GOLGA4: variants seen among roughly 807,000 people sequenced by gnomAD.
GOLGA4 encodes the protein golgin A4, also known as golgin subfamily A member 4.
Under a neutral mutation model 265.9 loss-of-function variants are expected in GOLGA4, and 169 were observed. The ratio of observed to expected loss-of-function variants is 0.64; its 90% CI spans 0.56 to 0.72. The LOEUF is 0.72. Ranked by LOEUF, GOLGA4 falls within the 30% of genes least tolerant of loss-of-function variation. The probability of loss-of-function intolerance (pLI) is 0.00; values close to 1 mark genes in which losing one functional copy is unlikely to be tolerated. For missense variants in GOLGA4, 2,482 were observed against 2,483.4 expected (o/e 1.00, Z 0.01); for synonymous variants, 923 against 855.8 (o/e 1.08, Z -1.37).
At chr3:37,273,969 G>T (rs148424259) in intron 2 of GOLGA4, among the ~76,000 whole-genome samples, 3 of 151,924 alleles carry the variant, frequency 2.0e-5, no homozygotes, top group Non-Finnish European at 4.4e-5. Context: ...CAGGAGTGGC[G>T]CATGCCTGAA....
chr3:37,295,606 A>G (rs1312782972), intron 6 of GOLGA4, among the ~76,000 whole-genome samples: 1 of 152,238 alleles, frequency 6.6e-6, no homozygotes, highest in African/African-American at 2.4e-5. Context: ...AACCAGCTGT[A>G]TTGGGAGTAA....
intron 10 of GOLGA4, among the ~76,000 whole-genome samples, chr3:37,313,034 C>A (rs191299070): frequency 6.6e-6 from 1 of 152,212 alleles, no homozygotes; most frequent in African/African-American, 2.4e-5. Context: ...GAAACCCTGT[C>A]TCTACTAAAA....
chr3:37,292,696 G>GTT (rs1553610190), intron 5 of GOLGA4, among the ~76,000 whole-genome samples: 2,309 of 151,094 alleles, frequency 0.015, 54 homozygotes, highest in African/African-American at 0.052. Context: ...AAAAAAAAAA[G>GTT]GTTTTAGTAC....
At chr3:37,350,402 T>C (rs1251105876) in intron 21 of GOLGA4, among the ~76,000 whole-genome samples, 1 of 152,164 alleles carries the variant, frequency 6.6e-6, no homozygotes, top group South Asian at 2.1e-4. Flanking sequence ...TGCTTGTGCA[T>C]GCATGTATAT....
intron 2 of GOLGA4, among the ~76,000 whole-genome samples, chr3:37,271,098 G>C (rs1455446910): frequency 1.3e-5 from 2 of 152,098 alleles, no homozygotes; most frequent in Non-Finnish European, 2.9e-5. Context: ...ACAGTAGACA[G>C]AGCTCAGGTG....
chr3:37,328,288 T>A (rs1231133590), intron 14 of GOLGA4, 128 bp from the exon 15 acceptor site: 5 of 829,200 alleles, frequency 6.0e-6, no homozygotes, highest in South Asian at 1.7e-5. Context: ...ACACTCTCTC[T>A]CTCTCTCTCT....
At chr3:37,356,495 C>A (rs183055904) in intron 22 of GOLGA4, among the ~76,000 whole-genome samples, 1 of 152,188 alleles carries the variant, frequency 6.6e-6, no homozygotes, top group Admixed American at 6.5e-5. Flanking sequence ...TCTGCCACTC[C>A]CTGGCATTTA....
In GOLGA4 at chr3:37,303,486, A is replaced by G. The variant is rs74649024; in HGVS notation, c.1234+1154A>G. On this transcript the variant is annotated intron_variant, in intron 10 of 23. Transcript: ENST00000361924. ...AAGCTTAGGACACTTAATGAATAGT[A>G]GTGTGGAATTAGAATAGGAAATCTA... 8.5e-3 allele frequency among the ~76,000 whole-genome samples: 1,293 copies of G among 152,314 alleles called. 23 individuals carry two copies. Among genetic ancestry groups the G allele is most frequent in the African/African-American group, 0.03 (1,231 of 41,562 alleles).
In GOLGA4 at chr3:37,326,623, G is replaced by A. The variant is rs1559437112; in HGVS notation, c.4737G>A (p.Arg1579=). 3.7e-6 allele frequency: 6 copies of A among 1,612,436 alleles called. No homozygotes were observed. Among genetic ancestry groups the A allele is most frequent in the East Asian group, 2.2e-5 (1 of 44,830 alleles). ...AGTTAGGAGAAGAAAAGGACAACAG[G>A]GTTAAAGAAGCTGAAGAAAAAATCT... is the stretch of plus-strand genomic sequence containing the variant. ...FQELGEEKDN[R]VKEAEEKILT... The change falls in exon 14 of 24, where the codon AGG becomes AGA. Residue 1579 remains arginine, a synonymous_variant. Transcript: ENST00000361924.
intron 10 of GOLGA4, among the ~76,000 whole-genome samples, chr3:37,314,637 T>TTCCAAACACA (rs1315212902): frequency 3.9e-5 from 3 of 77,458 alleles, no homozygotes; most frequent in African/African-American, 1.5e-4. Flanking sequence ...CAAGACTCCG[T>TTCCAAACACA]CTCAAACACA....
At chr3:37,265,817 G>A (rs1010732869) in intron 2 of GOLGA4, among the ~76,000 whole-genome samples, 3 of 151,876 alleles carry the variant, frequency 2.0e-5, no homozygotes, top group African/African-American at 4.8e-5. Flanking sequence ...CAGGTGGATC[G>A]CTTGAGCTCA....
At chr3:37,272,276 C>T (rs1210757400) in intron 2 of GOLGA4, among the ~76,000 whole-genome samples, 2 of 151,992 alleles carry the variant, frequency 1.3e-5, no homozygotes, top group Non-Finnish European at 1.5e-5. Flanking sequence ...GATGGTTGGG[C>T]ATGGTGGCTC....
At position 37,270,692 on chromosome 3, in the gene GOLGA4, A is replaced by T. The variant is rs112738623; in HGVS notation, c.163-11266A>T. Reference sequence around the variant, plus strand: ...TATTAACTGGCCAAGAGAATTGTTGATCTCTGTAAAGTATATTTTGTATTT... The same window carrying T: ...TATTAACTGGCCAAGAGAATTGTTGTTCTCTGTAAAGTATATTTTGTATTT... On this transcript the variant is annotated intron_variant, in intron 2 of 23. Coordinates refer to ENST00000361924, the MANE Select transcript of GOLGA4 (RefSeq NM_002078.5). Among the ~76,000 whole-genome samples the T allele has an allele frequency of 3.4e-3, 512 of 152,114 alleles. 4 individuals are homozygous for T. Among genetic ancestry groups the T allele is most frequent in the African/African-American group, 0.012 (499 of 41,490 alleles).
intron 21 of GOLGA4, 32 bp from the exon 22 acceptor site, chr3:37,355,069 C>CT: frequency 8.2e-7 from 1 of 1,214,830 alleles, no homozygotes; most frequent in Non-Finnish European, 1.2e-6. Context: ...GCTTCACTGT[C>CT]TGTTAGTGAT....
At chr3:37,333,176 T>A (rs1484030212) in intron 16 of GOLGA4, among the ~76,000 whole-genome samples, 1 of 152,240 alleles carries the variant, frequency 6.6e-6, no homozygotes, top group Non-Finnish European at 1.5e-5. Context: ...CCAAATAGCC[T>A]AATCCCAATC....
At chr3:37,323,552 T>C in intron 13 of GOLGA4, 36 bp from the exon 14 acceptor site, 1 of 1,314,280 alleles carries the variant, frequency 7.6e-7, no homozygotes, top group Non-Finnish European at 1.1e-6. Context: ...GACAAGTACG[T>C]ACTTTAATAA....
chr3:37,344,293 G>T (rs1168579691), intron 20 of GOLGA4, among the ~76,000 whole-genome samples: 1 of 152,248 alleles, frequency 6.6e-6, no homozygotes, highest in South Asian at 2.1e-4. Flanking sequence ...GTAGAGATGG[G>T]GTTTCGCCAT....
At chr3:37,254,796 C>T (rs574144033) in intron 2 of GOLGA4, among the ~76,000 whole-genome samples, 4 of 149,716 alleles carry the variant, frequency 2.7e-5, no homozygotes, top group East Asian at 3.9e-4. Context: ...GCCACTGTGC[C>T]GGGCCGTATT....
In GOLGA4 at chr3:37,299,030, CA is replaced by C. The variant is rs765625932; in HGVS notation, c.1002+11del. The stretch of plus-strand genomic sequence containing the variant: ...ACTAGAAAAGATAAAGGTAAAAGAG[CA>C]GATGAGTTTTGTTCTAATTTAATCT... On this transcript the variant is annotated intron_variant, in intron 8 of 23. Coordinates refer to ENST00000361924, the MANE Select transcript of GOLGA4 (RefSeq NM_002078.5). The C allele has an allele frequency of 2.8e-5, 44 of 1,573,484 alleles. No homozygotes were observed. The highest frequency in any genetic ancestry group is 3.6e-4 in the Middle Eastern group (2 of 5,562).
Sources: allele counts gnomAD v4.1 joint callset (sites outside exome capture counted in the v4.1 genomes callset), GRCh38; gene constraint gnomAD v4.1.1; transcripts MANE v1.5; gene names NCBI Gene and HGNC (gene_info 2026-07-23, HGNC 2026-07-21).